Variants in SAP130 observed in about 807,000 individuals in gnomAD.
The protein encoded by SAP130 is histone deacetylase complex subunit SAP130.
SAP130 carries 16 observed loss-of-function variants against 103.2 expected under a neutral mutation model. The observed-to-expected ratio is 0.16, with a 90% confidence interval of 0.10 to 0.24. The LOEUF is 0.24. SAP130 is among the 10% of genes least tolerant of loss of function. The pLI, the probability that SAP130 is intolerant of heterozygous loss-of-function variation, is 1.00. For missense variants in SAP130, 990 were observed against 1,359.7 expected (o/e 0.73, Z 4.28); for synonymous variants, 477 against 497.0 (o/e 0.96, Z 0.53).
Position 128,027,880 on chromosome 2 carries a change from T to C in SAP130, c.-7+60A>G, listed in dbSNP as rs1685636118. ...AACGGGACGGACGCTGCAGCCCGGC[T>C]CAGCCGCCCCGCCCCCTCGTCTCCT... On this transcript the variant is annotated intron_variant, in intron 1 of 20. Coordinates refer to ENST00000643581, the MANE Select transcript of SAP130 (RefSeq NM_001330301.2). The C allele has an allele frequency of 4.2e-6, 4 of 961,118 alleles. No homozygotes were observed. In the South Asian group the frequency reaches 1.9e-4, roughly 46 times the overall value. The allele number at this position is 961,118 out of a possible 1,614,324, so 59.5% of individuals were successfully genotyped here.
chr2:127,944,653 C>A (rs1678944902), intron 19 of SAP130, among the ~76,000 whole-genome samples: 1 of 152,018 alleles, frequency 6.6e-6, no homozygotes, highest in African/African-American at 2.4e-5. Flanking sequence ...GTCTCGAACT[C>A]CTGACCTCGT....
intron 7 of SAP130, among the ~76,000 whole-genome samples, chr2:128,004,076 T>C (rs947211765): frequency 6.8e-6 from 1 of 146,300 alleles, no homozygotes; most frequent in Non-Finnish European, 1.5e-5. Context: ...AAATGATAAA[T>C]GGACTTGTGA....
intron 2 of SAP130, among the ~76,000 whole-genome samples, chr2:128,018,959 G>A (rs112666628): frequency 0.024 from 3,611 of 151,984 alleles, 107 homozygotes; most frequent in East Asian, 0.14. Context: ...TTAGCCGGGC[G>A]TGGTGGTACA....
At chr2:127,988,873 C>T (rs572149768) in intron 13 of SAP130, among the ~76,000 whole-genome samples, 3 of 152,110 alleles carry the variant, frequency 2.0e-5, no homozygotes, top group African/African-American at 7.2e-5. Flanking sequence ...AATACAGTGA[C>T]TTATTCCATT....
chr2:128,021,572 T>C (rs1414413145), intron 2 of SAP130, among the ~76,000 whole-genome samples: 1 of 152,220 alleles, frequency 6.6e-6, no homozygotes, highest in Non-Finnish European at 1.5e-5. Flanking sequence ...ATAAAACCTC[T>C]TTATTGGGGA....
chr2:127,989,659 G>A lies in SAP130; in HGVS notation c.1685C>T (p.Thr562Ile). Residue 562 changes from threonine (T) to isoleucine (I), a missense_variant, in exon 13 of 21, where the codon ACA becomes ATA. This residue lies in a region of SAP130 where 349 missense variants were observed against 384.1 expected (regional missense o/e 0.91). Coordinates refer to ENST00000643581, the MANE Select transcript of SAP130 (RefSeq NM_001330301.2). The surrounding 1 kb of genome is among the most constrained non-coding windows in gnomAD (Gnocchi z 4.6). ...TPGIQPAPLG[T>I]QGIHSATPIN... is the part of the protein sequence containing the mutation. ...TGGGGTTGCTGAGTGAATTCCCTGT[G>A]TGCCAAGTGGTGCAGGCTGTATCCC... 6.2e-7 allele frequency: 1 copy of A among 1,614,156 alleles called. No homozygotes were observed. Among genetic ancestry groups the A allele is most frequent in the Non-Finnish European group, 8.5e-7 (1 of 1,180,024 alleles).
At chr2:127,984,993 T>A (rs1682270166) in intron 14 of SAP130, among the ~76,000 whole-genome samples, 1 of 152,210 alleles carries the variant, frequency 6.6e-6, no homozygotes, top group East Asian at 1.9e-4. Flanking sequence ...TTTGAAGATT[T>A]TCCAATTTTA....
intron 14 of SAP130, among the ~76,000 whole-genome samples, chr2:127,982,437 C>T (rs769362974): frequency 1.3e-5 from 2 of 152,018 alleles, no homozygotes; most frequent in South Asian, 2.1e-4. Context: ...GTACTGCCAC[C>T]GTAAGTATTA....
Position 127,941,922 on chromosome 2 carries a change from C to T in SAP130, c.*84G>A. 2.4e-6 allele frequency: 2 copies of T among 846,496 alleles called. No individual in the cohort carries two copies. Among genetic ancestry groups the T allele is most frequent in the Non-Finnish European group, 3.7e-6 (2 of 534,206 alleles). The allele number at this position is 846,496 out of a possible 1,614,324, so 52.4% of individuals were successfully genotyped here. A position where few individuals can be genotyped will look rare whatever the true frequency, so the allele number is the denominator to read the frequency against. On this transcript the variant is annotated 3_prime_UTR_variant, in exon 21 of 21. Coordinates refer to ENST00000643581, the MANE Select transcript of SAP130 (RefSeq NM_001330301.2). Reference sequence around the variant, plus strand: ...GAACACTTCCTTTATTTCAATGTTCCACTTTGGAAAAAACCAAAACCCTCC... The same window carrying T: ...GAACACTTCCTTTATTTCAATGTTCTACTTTGGAAAAAACCAAAACCCTCC...
chr2:128,024,384 C>T (rs78055170), intron 2 of SAP130, among the ~76,000 whole-genome samples: 1,699 of 151,988 alleles, frequency 0.011, 31 homozygotes, highest in African/African-American at 0.039. Context: ...GAACATTAGA[C>T]AAGGGCCATA....
chr2:128,007,283 T>C (rs994685917), intron 7 of SAP130, among the ~76,000 whole-genome samples: 1 of 152,146 alleles, frequency 6.6e-6, no homozygotes, highest in East Asian at 1.9e-4. Context: ...GGAATCCACA[T>C]GAATGAAGTG....
intron 15 of SAP130, among the ~76,000 whole-genome samples, chr2:127,972,373 G>A (rs1294634683): frequency 6.6e-6 from 1 of 152,214 alleles, no homozygotes. Context: ...TATTTTGGGA[G>A]GCCAAAGTGG....
chr2:128,013,794 G>A (rs1684566871), intron 5 of SAP130, among the ~76,000 whole-genome samples: 1 of 152,152 alleles, frequency 6.6e-6, no homozygotes, highest in Non-Finnish European at 1.5e-5. Context: ...TAGCCATGTG[G>A]TGGCTCACAC....
chr2:128,019,611 C>A (rs550757617), intron 2 of SAP130, among the ~76,000 whole-genome samples: 2 of 149,864 alleles, frequency 1.3e-5, no homozygotes, highest in Non-Finnish European at 3.0e-5. Flanking sequence ...GGAGGCCGGG[C>A]GTGGTGGTTC....
intron 7 of SAP130, among the ~76,000 whole-genome samples, chr2:128,008,370 C>A (rs1033265790): frequency 1.3e-5 from 2 of 151,568 alleles, no homozygotes; most frequent in African/African-American, 2.4e-5. Context: ...ATCTTTCTTG[C>A]TTCTTTTTTT....
intron 15 of SAP130, among the ~76,000 whole-genome samples, chr2:127,967,611 T>C (rs765919725): frequency 1.3e-5 from 2 of 152,242 alleles, no homozygotes; most frequent in Non-Finnish European, 2.9e-5. Flanking sequence ...TTGGCCAAGC[T>C]GGTCTTGAAC....
rs1465099602 is a variant in SAP130, at chr2:127,989,374, G to A, written c.1780+190C>T. On this transcript the variant is annotated intron_variant, in intron 13 of 20. Transcript: ENST00000643581. This position sits in a 1 kb window ranked among gnomAD's most constrained non-coding sequence, Gnocchi z 4.6. ...AGCCTCCCAAAGTGCTGGGATTACAGTGAGGTATATTATTTCTAACGTTTA... is the reference window on the plus strand; with the variant it reads ...AGCCTCCCAAAGTGCTGGGATTACAATGAGGTATATTATTTCTAACGTTTA... Among the ~76,000 whole-genome samples, 1 of 152,142 alleles carries A rather than the reference G, an allele frequency of 6.6e-6. No homozygotes were observed. Among genetic ancestry groups the A allele is most frequent in the Non-Finnish European group, 1.5e-5 (1 of 68,016 alleles).
intron 19 of SAP130, among the ~76,000 whole-genome samples, chr2:127,943,182 A>T (rs1678828322): frequency 6.6e-6 from 1 of 152,224 alleles, no homozygotes; most frequent in Admixed American, 6.5e-5. Context: ...AGTCAGAAGT[A>T]GCCAAGGCAC....
chr2:127,981,634 C>T (rs59158220), intron 14 of SAP130, among the ~76,000 whole-genome samples: 1 of 91,232 alleles, frequency 1.1e-5, no homozygotes, highest in African/African-American at 4.6e-5. Flanking sequence ...CCCAGTCCTC[C>T]TGCACCCCCG....
Sources: gnomAD v4.1 joint callset for allele counts (sites outside exome capture counted in the v4.1 genomes callset) on GRCh38, gnomAD v4.1.1 for gene constraint, gnomAD v4.1.1 regional missense constraint, Gnocchi (gnomAD v3.1) non-coding constraint, MANE v1.5 for transcripts, NCBI Gene and HGNC (gene_info 2026-07-23, HGNC 2026-07-21) for gene names.